The following OSBPL3 variants were observed in gnomAD, a reference collection of about 807,000 sequenced individuals.
OSBPL3 encodes the protein oxysterol binding protein like 3.
A neutral mutation model predicts 120.1 loss-of-function variants in OSBPL3; 65 were observed. The observed-to-expected ratio is 0.54, with a 90% confidence interval of 0.44 to 0.67. OSBPL3 has a LOEUF of 0.67. Among genes scored for constraint, OSBPL3 ranks in the 30% least tolerant of loss-of-function variants. OSBPL3 has a pLI of 0.00. For missense variants in OSBPL3, 1,004 were observed against 1,082.1 expected (o/e 0.93, Z 1.01); for synonymous variants, 416 against 402.6 (o/e 1.03, Z -0.40).
intron 1 of OSBPL3, among the ~76,000 whole-genome samples, chr7:24,923,724 G>A (rs893876821): frequency 2.6e-5 from 4 of 152,138 alleles, no homozygotes; most frequent in African/African-American, 4.8e-5. Context: ...AGGAAGATGC[G>A]GAGCTGCAGT....
chr7:24,911,052 T>C (rs908036068), intron 1 of OSBPL3, among the ~76,000 whole-genome samples: 8 of 152,254 alleles, frequency 5.3e-5, no homozygotes, highest in Admixed American at 4.6e-4. Context: ...TGCTCTAACA[T>C]AATCTTGCAT....
rs768470655 is a variant in OSBPL3 at position 24,937,581 on chromosome 7, A to C, written c.-150+42305T>G. On this transcript the variant is annotated intron_variant, in intron 1 of 22. Transcript: ENST00000313367. The surrounding 1 kb of genome is among the most constrained non-coding windows in gnomAD (Gnocchi z 4.0). ...TTGCTTCCAATGTTTTTCTCTAACA[A>C]ACAATACAGCAGTGAACAGAGCATA... Among the ~76,000 whole-genome samples, 13 of 152,350 alleles carry C rather than the reference A, an allele frequency of 8.5e-5. No homozygotes were observed. Among genetic ancestry groups the C allele is most frequent in the Middle Eastern group, 3.4e-3 (1 of 294 alleles).
In OSBPL3 at chr7:24,940,569, A is replaced by G. The variant is rs1275887969; in HGVS notation, c.-150+39317T>C. ...CAGGGGCCGTGATGGAGGAAAGGGT[A>G]TTTCAGAGATAACCATCTCAAAGTG... On this transcript the variant is annotated intron_variant, in intron 1 of 22. Transcript: ENST00000313367. This position sits in a 1 kb window ranked among gnomAD's most constrained non-coding sequence, Gnocchi z 4.4. Among the ~76,000 whole-genome samples, 1 of 152,102 alleles carries G rather than the reference A, an allele frequency of 6.6e-6. No homozygotes were observed. The highest frequency in any genetic ancestry group is 2.4e-5 in the African/African-American group (1 of 41,444).
At chr7:24,917,744 G>A (rs925348508) in intron 1 of OSBPL3, among the ~76,000 whole-genome samples, 1 of 152,026 alleles carries the variant, frequency 6.6e-6, no homozygotes, top group Non-Finnish European at 1.5e-5. Flanking sequence ...GGGCTAGGGG[G>A]AGACTCCAGA....
chr7:24,962,422 A>AGG (rs1815874504), intron 1 of OSBPL3, among the ~76,000 whole-genome samples: 1 of 85,980 alleles, frequency 1.2e-5, no homozygotes, highest in Non-Finnish European at 2.3e-5. Flanking sequence ...AGGGGAGGGG[A>AGG]GGGGAGAGGA....
Position 24,892,551 on chromosome 7 carries a change from T to C in OSBPL3, c.-79A>G, listed in dbSNP as rs1273464121. ...GAGCCGAGAGTATGGAAGTCCCCAG[T>C]GGCAGGTGGTTTAGCTCTTATCCAA... is the stretch of plus-strand genomic sequence containing the variant. On this transcript the variant is annotated 5_prime_UTR_variant, in exon 2 of 23. Transcript: ENST00000313367. 6.4e-7 allele frequency: 1 copy of C among 1,552,028 alleles called. No individual in the cohort carries two copies. Among genetic ancestry groups the C allele is most frequent in the African/African-American group, 1.4e-5 (1 of 74,022 alleles).
chr7:24,837,387 A>C (rs1241484988), intron 14 of OSBPL3, among the ~76,000 whole-genome samples: 1 of 151,764 alleles, frequency 6.6e-6, no homozygotes, highest in Non-Finnish European at 1.5e-5. Context: ...TATCTTTTTT[A>C]GAGACAGGAT....
At chr7:24,951,045 T>G (rs1416886413) in intron 1 of OSBPL3, among the ~76,000 whole-genome samples, 1 of 152,176 alleles carries the variant, frequency 6.6e-6, no homozygotes, top group Non-Finnish European at 1.5e-5. Flanking sequence ...TAAATGATCA[T>G]TTAATATTCA....
In OSBPL3 at chr7:24,929,399, T is replaced by C. The variant is rs141180238; in HGVS notation, c.-149-36778A>G. 6.4e-3 allele frequency among the ~76,000 whole-genome samples: 973 copies of C among 152,308 alleles called. 10 individuals are homozygous for C. The highest frequency in any genetic ancestry group is 0.022 in the African/African-American group (928 of 41,560). On this transcript the variant is annotated intron_variant, in intron 1 of 22. Transcript: ENST00000313367. ...TCTATCCCACCTCATTTCTTCCCTA[T>C]TGATAAAATAGTTAATTGAGCCAAA...
rs1427724915 is a variant in OSBPL3 at position 24,806,666 on chromosome 7, T to C, written c.2444+110A>G. The C allele has an allele frequency of 1.2e-5, 12 of 965,706 alleles. No individual in the cohort carries two copies. In the East Asian group the frequency reaches 1.3e-4, roughly 10 times the overall value. 59.8% of individuals were successfully genotyped at this position (965,706 alleles called of 1,614,324 possible). On this transcript the variant is annotated intron_variant, in intron 21 of 22. Coordinates refer to ENST00000313367, the MANE Select transcript of OSBPL3 (RefSeq NM_015550.4). The surrounding 1 kb of genome is among the most constrained non-coding windows in gnomAD (Gnocchi z 5.2). Reference sequence around the variant, plus strand: ...AGCATCCCCACCTCTCAATTCCTGATGACATTTTCCACCTTTCTCAGGTGC... The same window carrying C: ...AGCATCCCCACCTCTCAATTCCTGACGACATTTTCCACCTTTCTCAGGTGC...
chr7:24,802,024 T>C lies in OSBPL3; in HGVS notation c.2568-1745A>G, dbSNP rs1456169353. ...TAATTAGCATGGCTGGGTCAAAGAGTATGTGCATTTGTGATTCTGACTGAT... is the reference window on the plus strand; with the variant it reads ...TAATTAGCATGGCTGGGTCAAAGAGCATGTGCATTTGTGATTCTGACTGAT... On this transcript the variant is annotated intron_variant, in intron 22 of 22. Transcript: ENST00000313367. The surrounding 1 kb of genome is among the most constrained non-coding windows in gnomAD (Gnocchi z 4.1). Among the ~76,000 whole-genome samples the C allele has an allele frequency of 6.6e-6, 1 of 152,130 alleles. No homozygotes were observed. The highest frequency in any genetic ancestry group is 2.4e-5 in the African/African-American group (1 of 41,414).
At position 24,834,904 on chromosome 7, in the gene OSBPL3, A is replaced by C. The variant is rs557515188; in HGVS notation, c.1496-168T>G. Among the ~76,000 whole-genome samples the C allele has an allele frequency of 6.6e-6, 1 of 152,376 alleles. No individual in the cohort carries two copies. Among genetic ancestry groups the C allele is most frequent in the Non-Finnish European group, 1.5e-5 (1 of 68,030 alleles). Reference sequence around the variant, plus strand: ...ACCGGCAAAAGAATTCTGAGCAATTAAATACCAAAAATGACACACACTAAA... The same window carrying C: ...ACCGGCAAAAGAATTCTGAGCAATTCAATACCAAAAATGACACACACTAAA... On this transcript the variant is annotated intron_variant, in intron 14 of 22. Coordinates refer to ENST00000313367, the MANE Select transcript of OSBPL3 (RefSeq NM_015550.4). The surrounding 1 kb of genome is among the most constrained non-coding windows in gnomAD (Gnocchi z 5.2).
rs1809010896 is a variant in OSBPL3, at chr7:24,912,809, A to G, written c.-149-20188T>C. ...ACTTCTTCATCAATAGATGGCTTCT[A>G]TATTCCCATCCTTCAAATTTGAGTG... On this transcript the variant is annotated intron_variant, in intron 1 of 22. Coordinates refer to ENST00000313367, the MANE Select transcript of OSBPL3 (RefSeq NM_015550.4). This position sits in a 1 kb window ranked among gnomAD's most constrained non-coding sequence, Gnocchi z 4.5. Among the ~76,000 whole-genome samples the G allele has an allele frequency of 6.6e-6, 1 of 152,220 alleles. No homozygotes were observed. Among genetic ancestry groups the G allele is most frequent in the Non-Finnish European group, 1.5e-5 (1 of 68,036 alleles).
At position 24,873,695 on chromosome 7, in the gene OSBPL3, T is replaced by C. The variant is rs753015863; in HGVS notation, c.97-1626A>G. Among the ~76,000 whole-genome samples, 8 of 151,856 alleles carry C rather than the reference T, an allele frequency of 5.3e-5. No homozygotes were observed. The highest frequency in any genetic ancestry group is 8.8e-5 in the Non-Finnish European group (6 of 67,972). Reference sequence around the variant, plus strand: ...TAATTACACTCAGACAATAAATGCATACTACTAAGTGATGGGAAGTCAGAT... The same window carrying C: ...TAATTACACTCAGACAATAAATGCACACTACTAAGTGATGGGAAGTCAGAT... On this transcript the variant is annotated intron_variant, in intron 2 of 22. Transcript: ENST00000313367. This position sits in a 1 kb window ranked among gnomAD's most constrained non-coding sequence, Gnocchi z 4.1.
In OSBPL3 at chr7:24,952,786, C is replaced by T. The variant is rs1022597123; in HGVS notation, c.-150+27100G>A. Among the ~76,000 whole-genome samples, 2 of 152,122 alleles carry T rather than the reference C, an allele frequency of 1.3e-5. No homozygotes were observed. The highest frequency in any genetic ancestry group is 2.9e-5 in the Non-Finnish European group (2 of 68,026). On this transcript the variant is annotated intron_variant, in intron 1 of 22. Transcript: ENST00000313367. The surrounding 1 kb of genome is among the most constrained non-coding windows in gnomAD (Gnocchi z 4.4). ...ATAAACAAGAGTACCATCAAGGTTCCCAGATTTAAAATATTTCCCTACCCA... is the reference window on the plus strand; with the variant it reads ...ATAAACAAGAGTACCATCAAGGTTCTCAGATTTAAAATATTTCCCTACCCA...
rs570588980 is a variant in OSBPL3 at position 24,979,651 on chromosome 7, G to A, written c.-150+235C>T. On this transcript the variant is annotated intron_variant, in intron 1 of 22. Coordinates refer to ENST00000313367, the MANE Select transcript of OSBPL3 (RefSeq NM_015550.4). ...TCAATCCTCTGAGCCGTCCCTCGAGGGAAGGTGTCCTGGGGTGGGTGAGAC... is the reference window on the plus strand; with the variant it reads ...TCAATCCTCTGAGCCGTCCCTCGAGAGAAGGTGTCCTGGGGTGGGTGAGAC... 2.8e-4 allele frequency among the ~76,000 whole-genome samples: 42 copies of A among 152,220 alleles called. No individual in the cohort carries two copies. The East Asian group carries it at 7.2e-3, about 26-fold the overall frequency.
rs1816217033 is a variant in OSBPL3 at position 24,965,053 on chromosome 7, G to A, written c.-150+14833C>T. ...ACTACTGGGCCACTAAAGTGCATGA[G>A]TTCAGAAGTAGTTAGGGAAGTTATG... On this transcript the variant is annotated intron_variant, in intron 1 of 22. Coordinates refer to ENST00000313367, the MANE Select transcript of OSBPL3 (RefSeq NM_015550.4). This position sits in a 1 kb window ranked among gnomAD's most constrained non-coding sequence, Gnocchi z 4.3. Among the ~76,000 whole-genome samples the A allele has an allele frequency of 6.6e-6, 1 of 152,188 alleles. No individual in the cohort carries two copies. The highest frequency in any genetic ancestry group is 2.1e-4 in the South Asian group (1 of 4,830).
intron 12 of OSBPL3, 86 bp downstream of exon 12, chr7:24,848,983 A>G: frequency 1.1e-6 from 1 of 887,612 alleles, no homozygotes; most frequent in Non-Finnish European, 1.9e-6. Context: ...CATGAGGGGA[A>G]GCAGGGAGGT....
At chr7:24,963,284 G>T (rs1226572760) in intron 1 of OSBPL3, among the ~76,000 whole-genome samples, 2 of 152,182 alleles carry the variant, frequency 1.3e-5, no homozygotes, top group African/African-American at 2.4e-5. Flanking sequence ...AACCAAAGAA[G>T]GGGGTGTTGG....
Sources: allele counts gnomAD v4.1 joint callset (sites outside exome capture counted in the v4.1 genomes callset), GRCh38; gene constraint gnomAD v4.1.1; non-coding constraint Gnocchi (gnomAD v3.1); transcripts MANE v1.5; gene names NCBI Gene and HGNC (gene_info 2026-07-23, HGNC 2026-07-21).